The following PKP2 variants were observed in gnomAD, a reference collection of about 807,000 sequenced individuals.
PKP2 encodes plakophilin 2, also known as plakophilin-2.
Under a neutral mutation model 83.4 loss-of-function variants are expected in PKP2, and 73 were observed. The ratio of observed to expected loss-of-function variants is 0.88; its 90% CI spans 0.72 to 1.06. PKP2 has a LOEUF of 1.06. Among genes scored for constraint, PKP2 ranks in the 50% least tolerant of loss-of-function variants. PKP2 has a pLI of 0.00. For synonymous variants in PKP2, 409 were observed against 430.4 expected (o/e 0.95, Z 0.62); for missense variants, 966 against 1,065.4 (o/e 0.91, Z 1.30).
At chr12:32,819,313 C>A (rs11052263) in intron 9 of PKP2, among the ~76,000 whole-genome samples, 119,572 of 146,258 alleles carry the variant, frequency 0.82, 48,870 homozygotes, top group Non-Finnish European at 0.88. Flanking sequence ...CAATACAATA[C>A]AATAAAATAA....
At position 32,847,685 on chromosome 12, in the gene PKP2, G is replaced by A. The variant is rs557312409; in HGVS notation, c.1378+3081C>T. Among the ~76,000 whole-genome samples the A allele has an allele frequency of 5.3e-5, 8 of 152,262 alleles. No individual in the cohort carries two copies. In the East Asian group the frequency reaches 1.5e-3, roughly 29 times the overall value. On this transcript the variant is annotated intron_variant, in intron 5 of 12. Coordinates refer to ENST00000340811, the MANE Select transcript of PKP2 (RefSeq NM_001005242.3). ...TTGCCTTGCTAGTGATGCTCACTTT[G>A]CCAGGAATAACTTTCATCCTCTTTC...
intron 6 of PKP2, among the ~76,000 whole-genome samples, chr12:32,837,371 C>T (rs1956552948): frequency 2.0e-5 from 3 of 152,162 alleles, no homozygotes; most frequent in Admixed American, 2.0e-4. Flanking sequence ...GCTGTTTCCT[C>T]ATCTATAAAA....
At chr12:32,863,863 A>G (rs1565594503) in intron 4 of PKP2, among the ~76,000 whole-genome samples, 1 of 152,222 alleles carries the variant, frequency 6.6e-6, no homozygotes, top group African/African-American at 2.4e-5. Flanking sequence ...TCAGACAGAC[A>G]CTAAAAGTAC....
In PKP2 at chr12:32,792,149, C is replaced by G. The variant is rs1288791689; in HGVS notation, c.*275G>C. On this transcript the variant is annotated 3_prime_UTR_variant, in exon 13 of 13. Transcript: ENST00000340811. ...GATTAATGTCCCTTCCACATGAATT[C>G]ACATTTTGATTCCAGGAAGCCATGT... 2.1e-6 allele frequency: 1 copy of G among 480,672 alleles called. No individual in the cohort carries two copies. Among genetic ancestry groups the G allele is most frequent in the African/African-American group, 2.0e-5 (1 of 51,138 alleles). 29.8% of individuals were successfully genotyped at this position (480,672 alleles called of 1,614,324 possible).
intron 5 of PKP2, among the ~76,000 whole-genome samples, chr12:32,846,863 A>G (rs1460311897): frequency 6.6e-6 from 1 of 152,090 alleles, no homozygotes; most frequent in African/African-American, 2.4e-5. Context: ...ATGAGTCATC[A>G]CGTGCCTCAA....
intron 4 of PKP2, among the ~76,000 whole-genome samples, chr12:32,865,641 G>A (rs1160425490): frequency 7.3e-6 from 1 of 137,550 alleles, no homozygotes; most frequent in African/African-American, 3.0e-5. Flanking sequence ...AGGCAAGATT[G>A]CGCCACTGCA....
intron 4 of PKP2, among the ~76,000 whole-genome samples, chr12:32,858,791 C>CA (rs1956776449): frequency 6.6e-6 from 1 of 152,052 alleles, no homozygotes; most frequent in South Asian, 2.1e-4. Flanking sequence ...AAAAAATACA[C>CA]AATGGATTAA....
intron 1 of PKP2, among the ~76,000 whole-genome samples, chr12:32,896,118 C>G (rs1957120912): frequency 6.6e-6 from 1 of 152,130 alleles, no homozygotes; most frequent in Admixed American, 6.6e-5. Context: ...AGGGCTCCTT[C>G]TCCCAGAAAA....
chr12:32,796,417 C>T (rs933753741), intron 10 of PKP2, 119 bp from the exon 11 acceptor site: 11 of 938,680 alleles, frequency 1.2e-5, no homozygotes, highest in Non-Finnish European at 1.8e-5. Flanking sequence ...GAATCTTGCT[C>T]TGTTGCCCAG....
intron 6 of PKP2, among the ~76,000 whole-genome samples, chr12:32,838,846 G>A (rs1477121410): frequency 6.6e-6 from 1 of 152,206 alleles, no homozygotes; most frequent in African/African-American, 2.4e-5. Flanking sequence ...ACTTGGCTAT[G>A]AACTCCCGTT....
intron 1 of PKP2, among the ~76,000 whole-genome samples, chr12:32,881,332 A>C (rs2137960691): frequency 6.6e-6 from 1 of 152,308 alleles, no homozygotes; most frequent in South Asian, 2.1e-4. Context: ...TGATTTCTCC[A>C]CAAGGGCTGG....
At chr12:32,873,233 G>T (rs984817822) in intron 3 of PKP2, among the ~76,000 whole-genome samples, 1 of 151,970 alleles carries the variant, frequency 6.6e-6, no homozygotes, top group Non-Finnish European at 1.5e-5. Flanking sequence ...CTGAGTAGTT[G>T]GGGCTACAGG....
At chr12:32,796,006 G>T in intron 11 of PKP2, 103 bp downstream of exon 11, 1 of 1,045,490 alleles carries the variant, frequency 9.6e-7, no homozygotes, top group Non-Finnish European at 1.5e-6. Context: ...TTGCTGCCAT[G>T]TTGCACATGA....
intron 1 of PKP2, among the ~76,000 whole-genome samples, chr12:32,886,564 T>TA (rs1353831427): frequency 6.6e-6 from 1 of 152,246 alleles, no homozygotes; most frequent in Middle Eastern, 3.2e-3. Context: ...TCCTTGGACT[T>TA]ACATATTTTT....
chr12:32,860,041 C>A (rs1285382031), intron 4 of PKP2, among the ~76,000 whole-genome samples: 1 of 151,972 alleles, frequency 6.6e-6, no homozygotes, highest in Admixed American at 6.6e-5. Flanking sequence ...AAAAATTGGA[C>A]AAAACATACA....
chr12:32,823,422 C>CAAA (rs34680115), intron 7 of PKP2, among the ~76,000 whole-genome samples: 9 of 84,166 alleles, frequency 1.1e-4, no homozygotes, highest in African/African-American at 1.4e-4. Flanking sequence ...ACTCTGCCTC[C>CAAA]AAAAAAAAAA....
chr12:32,870,697 CA>C (rs1956888486), intron 3 of PKP2, among the ~76,000 whole-genome samples: 1 of 152,092 alleles, frequency 6.6e-6, no homozygotes, highest in Non-Finnish European at 1.5e-5. Flanking sequence ...AGCTCAATGG[CA>C]AAGTCTTTGC....
intron 10 of PKP2, among the ~76,000 whole-genome samples, chr12:32,797,269 G>A (rs914232624): frequency 6.6e-6 from 1 of 151,552 alleles, no homozygotes; most frequent in African/African-American, 2.4e-5. Context: ...GTGAAACCCT[G>A]TCTCTATTAA....
chr12:32,828,656 A>T lies in PKP2; in HGVS notation c.1557-4494T>A, dbSNP rs535236949. ...CTCTTCCACATAAGGTAGGATATAA[A>T]GTAGTTTGTCTGTGGCTATGTGCAG... On this transcript the variant is annotated intron_variant, in intron 6 of 12. Coordinates refer to ENST00000340811, the MANE Select transcript of PKP2 (RefSeq NM_001005242.3). Among the ~76,000 whole-genome samples the T allele has an allele frequency of 1.1e-3, 167 of 152,306 alleles. 1 individual carries two copies. Among genetic ancestry groups the T allele is most frequent in the Non-Finnish European group, 1.6e-3 (109 of 68,032 alleles).
Sources: gnomAD v4.1 joint callset for allele counts (sites outside exome capture counted in the v4.1 genomes callset) on GRCh38, gnomAD v4.1.1 for gene constraint, MANE v1.5 for transcripts, NCBI Gene and HGNC (gene_info 2026-07-23, HGNC 2026-07-21) for gene names.